Variants in P2RX5 observed in about 807,000 individuals in gnomAD.
The protein encoded by P2RX5 is P2X purinoceptor 5.
In P2RX5, 46 loss-of-function variants were observed where a neutral mutation model predicts 54.1. That is an observed-to-expected ratio of 0.85 (90% confidence interval 0.67 to 1.09). P2RX5 has a LOEUF of 1.09. Ranked by LOEUF, P2RX5 falls within the 50% of genes least tolerant of loss-of-function variation. P2RX5 has a pLI of 0.00. For synonymous variants in P2RX5, 226 were observed against 226.4 expected (o/e 1.00, Z 0.02); for missense variants, 566 against 549.8 (o/e 1.03, Z -0.29).
chr17:3,676,442 T>C, intron 11 of P2RX5: 1 of 945,764 alleles, frequency 1.1e-6, no homozygotes, highest in Non-Finnish European at 1.2e-6. Flanking sequence ...TTTCACTGAC[T>C]ATCCTTTGCA....
intron 11 of P2RX5, among the ~76,000 whole-genome samples, 171 bp from the exon 12 acceptor site, chr17:3,674,048 CCCAT>C (rs2050042565): frequency 6.6e-6 from 1 of 152,184 alleles, no homozygotes; most frequent in Non-Finnish European, 1.5e-5. Context: ...GTGGCTCATG[CCCAT>C]GCCTGTAATC....
chr17:3,722,868 C>T, the P2RX5 span, among the ~76,000 whole-genome samples: 2 of 152,062 alleles, frequency 1.3e-5, no homozygotes, highest in Non-Finnish European at 2.9e-5. Flanking sequence ...ATAGCTGTTA[C>T]GTGGGAATTA....
At chr17:3,720,255 A>G in the P2RX5 span, 1 of 853,416 alleles carries the variant, frequency 1.2e-6, no homozygotes, top group East Asian at 2.4e-5. Flanking sequence ...AGGTGCTCAA[A>G]GGTTAGGCAC....
At position 3,676,190 on chromosome 17, in the gene P2RX5, G is replaced by A. The variant is rs948921475; in HGVS notation, c.1260-2313C>T. ...TCCAGGTTTCTCACCTTGGGTTTAC[G>A]GGGAGACAACTCACATACAACGGGG... On this transcript the variant is annotated intron_variant, in intron 11 of 11. Transcript: ENST00000225328. 36 of 985,330 alleles carry A rather than the reference G, an allele frequency of 3.7e-5. No homozygotes were observed. The African/African-American group carries it at 4.5e-4, about 12-fold the overall frequency. 61.0% of individuals were successfully genotyped at this position (985,330 alleles called of 1,614,324 possible). A position where few individuals can be genotyped will look rare whatever the true frequency, so the allele number is the denominator to read the frequency against.
chr17:3,695,821 C>A (rs558854970), intron 1 of P2RX5, 48 bp downstream of exon 1: 3 of 1,577,504 alleles, frequency 1.9e-6, no homozygotes, highest in Non-Finnish European at 2.6e-6. Flanking sequence ...GCGGCTGGCA[C>A]CCGCCCTGCC....
chr17:3,673,814 C>G lies in P2RX5; in HGVS notation c.*54G>C. On this transcript the variant is annotated 3_prime_UTR_variant, in exon 12 of 12. Transcript: ENST00000225328. ...TGGGATTCCCAAAGGCATGGGATCA[C>G]TGGGTGCTAGACGGCTGGGTTTAGG... The G allele has an allele frequency of 6.2e-7, 1 of 1,612,476 alleles. No homozygotes were observed. The highest frequency in any genetic ancestry group is 8.5e-7 in the Non-Finnish European group (1 of 1,179,992).
At chr17:3,673,923 C>T (rs756452881) in intron 11 of P2RX5, 46 bp from the exon 12 acceptor site, 13 of 1,564,832 alleles carry the variant, frequency 8.3e-6, no homozygotes, top group Non-Finnish European at 1.1e-5. Flanking sequence ...CTGGCACTCT[C>T]ATCTTCCCAG....
chr17:3,716,765 G>C, the P2RX5 span: 1 of 1,607,510 alleles, frequency 6.2e-7, no homozygotes, highest in Non-Finnish European at 8.5e-7. Context: ...GGCAAAGAAT[G>C]GTACTTCTCA....
At chr17:3,688,259 A>G (rs959314675) in intron 8 of P2RX5, among the ~76,000 whole-genome samples, 154 bp from the exon 9 acceptor site, 3 of 152,036 alleles carry the variant, frequency 2.0e-5, no homozygotes, top group Non-Finnish European at 4.4e-5. Context: ...CACTGAGCCA[A>G]AAACAAAGAG....
intron 1 of P2RX5, among the ~76,000 whole-genome samples, chr17:3,694,250 G>A (rs965076898): frequency 6.2e-5 from 9 of 144,474 alleles, no homozygotes; most frequent in South Asian, 2.1e-4. Flanking sequence ...AAAAAAGGCC[G>A]CATACTATAC....
chr17:3,697,910 G>A (rs973519784), upstream of P2RX5, among the ~76,000 whole-genome samples: 1 of 152,032 alleles, frequency 6.6e-6, no homozygotes, highest in Non-Finnish European at 1.5e-5. Context: ...TTGACTTAGT[G>A]ACTGTGTCCC....
In P2RX5 at chr17:3,693,144, A is replaced by AAAG. The variant is rs1555570527; in HGVS notation, c.138-1351_138-1350insCTT. Reference sequence around the variant, plus strand: ...ACATTTCTCAAAAAAAAAAAAAAAAAAGAGAGAGAGAGATACACAAATGCC... The same window carrying AAAG: ...ACATTTCTCAAAAAAAAAAAAAAAAAAAGAGAGAGAGAGAGATACACAAATGCC... On this transcript the variant is annotated intron_variant, in intron 1 of 11. Coordinates refer to ENST00000225328, the MANE Select transcript of P2RX5 (RefSeq NM_002561.4). Among the ~76,000 whole-genome samples, 45 of 151,292 alleles carry AAAG rather than the reference A, an allele frequency of 3.0e-4. 1 individual carries two copies. The South Asian group carries it at 7.6e-3, about 25-fold the overall frequency.
At chr17:3,675,286 C>T (rs2050077274) in intron 11 of P2RX5, 30 of 877,056 alleles carry the variant, frequency 3.4e-5, no homozygotes, top group Non-Finnish European at 4.0e-5. Flanking sequence ...GCAATCTGCC[C>T]GCCTCGGCCT....
At chr17:3,699,677 C>T (rs1254153599), upstream of P2RX5, among the ~76,000 whole-genome samples, 3 of 150,732 alleles carry the variant, frequency 2.0e-5, no homozygotes, top group East Asian at 2.0e-4. Context: ...TGGTGGCACA[C>T]GCCTATAGTC....
the P2RX5 span, among the ~76,000 whole-genome samples, chr17:3,711,709 T>A: frequency 2.6e-5 from 4 of 151,248 alleles, no homozygotes; most frequent in Non-Finnish European, 5.9e-5. Context: ...TTATTTATTT[T>A]TTTGAGACAG....
At chr17:3,712,916 G>A in the P2RX5 span, among the ~76,000 whole-genome samples, 7 of 152,170 alleles carry the variant, frequency 4.6e-5, no homozygotes, top group African/African-American at 9.6e-5. Context: ...GCACTCCAGC[G>A]TGGGCGACAG....
At chr17:3,695,818 G>GC in intron 1 of P2RX5, 51 bp downstream of exon 1, 3 of 1,592,340 alleles carry the variant, frequency 1.9e-6, no homozygotes. Flanking sequence ...GCGGCGGCTG[G>GC]CACCCGCCCT....
rs920213832 is a variant in P2RX5 at position 3,676,692 on chromosome 17, G to A, written c.1260-2815C>T. On this transcript the variant is annotated intron_variant, in intron 11 of 11. Coordinates refer to ENST00000225328, the MANE Select transcript of P2RX5 (RefSeq NM_002561.4). ...ACCTTGGAATCTTGTTGAAACACAGGTTCTGATTTGGGTGGGGGGCGGGGG... is the reference window on the plus strand; with the variant it reads ...ACCTTGGAATCTTGTTGAAACACAGATTCTGATTTGGGTGGGGGGCGGGGG... The A allele has an allele frequency of 7.8e-6, 3 of 384,128 alleles. 1 individual carries two copies. Among genetic ancestry groups the A allele is most frequent in the African/African-American group, 2.2e-5 (1 of 46,006 alleles). The allele number at this position is 384,128 out of a possible 1,614,324, so 23.8% of individuals were successfully genotyped here. A position where few individuals can be genotyped will look rare whatever the true frequency, so the allele number is the denominator to read the frequency against.
At chr17:3,697,805 A>G (rs1597279923), upstream of P2RX5, among the ~76,000 whole-genome samples, 1 of 152,000 alleles carries the variant, frequency 6.6e-6, no homozygotes, top group Non-Finnish European at 1.5e-5. Flanking sequence ...ATTATTGCCC[A>G]CCCAAAGTAG....
Sources: gnomAD v4.1 joint callset for allele counts (sites outside exome capture counted in the v4.1 genomes callset) on GRCh38, gnomAD v4.1.1 for gene constraint, MANE v1.5 for transcripts, NCBI Gene and HGNC (gene_info 2026-07-23, HGNC 2026-07-21) for gene names.